MEF2A: variants seen among roughly 807,000 people sequenced by gnomAD.
MEF2A encodes myocyte-specific enhancer factor 2A.
Under a neutral mutation model 55.8 loss-of-function variants are expected in MEF2A, and 28 were observed. That is an observed-to-expected ratio of 0.50 (90% CI 0.37 to 0.69). The LOEUF (loss-of-function observed/expected upper bound fraction) is 0.69. Ranked by LOEUF, MEF2A falls within the 30% of genes least tolerant of loss-of-function variation. MEF2A has a pLI of 0.00. For synonymous variants in MEF2A, 239 were observed against 227.1 expected, an observed-to-expected ratio of 1.05 and a Z score of -0.47; for missense variants, 528 against 626.2, an observed-to-expected ratio of 0.84 and a Z score of 1.67.
chr15:99,591,312 C>T (rs1001042574), intron 1 of MEF2A, among the ~76,000 whole-genome samples: 1 of 152,126 alleles, frequency 6.6e-6, no homozygotes, highest in Non-Finnish European at 1.5e-5. Flanking sequence ...TTTTAGCTTA[C>T]AGAGTTTTTT....
In MEF2A at chr15:99,716,293, T is replaced by G; in HGVS notation, c.*3522T>G. ...CCGTTTGGCGGCACAAGCTGGACTT[T>G]GTTGCCATCCTTGAGATGAACCTTT... On this transcript the variant is annotated 3_prime_UTR_variant, in exon 12 of 12. Transcript: ENST00000557942. 1 of 346,122 alleles carries G rather than the reference T, an allele frequency of 2.9e-6. No individual in the cohort carries two copies. Among genetic ancestry groups the G allele is most frequent in the South Asian group, 2.3e-5 (1 of 44,420 alleles). The allele number at this position is 346,122 out of a possible 1,614,324, so 21.4% of individuals were successfully genotyped here.
chr15:99,597,457 GACAATGGTGCCCGAAACTTC>G (rs1971590776), intron 1 of MEF2A, among the ~76,000 whole-genome samples: 1 of 152,126 alleles, frequency 6.6e-6, no homozygotes, highest in Non-Finnish European at 1.5e-5. Context: ...TGTTATCAGT[GACAATGGTGCCCGAAACTTC>G]ATTAGCAATT....
chr15:99,605,332 C>A (rs918517774), intron 2 of MEF2A, among the ~76,000 whole-genome samples: 5 of 152,186 alleles, frequency 3.3e-5, no homozygotes, highest in Non-Finnish European at 7.3e-5. Context: ...CAAATGATTA[C>A]CAACTTTAAT....
At chr15:99,673,740 A>G (rs982910809) in intron 5 of MEF2A, among the ~76,000 whole-genome samples, 2 of 152,218 alleles carry the variant, frequency 1.3e-5, no homozygotes, top group Non-Finnish European at 2.9e-5. Context: ...AATTTAAAGA[A>G]GATACCAAAA....
intron 1 of MEF2A, among the ~76,000 whole-genome samples, chr15:99,570,242 A>G (rs1961573848): frequency 6.6e-6 from 1 of 152,176 alleles, no homozygotes; most frequent in Non-Finnish European, 1.5e-5. Flanking sequence ...AGGAACAAAC[A>G]TGGGTGAAAA....
chr15:99,641,692 C>G (rs2044996430), intron 3 of MEF2A, among the ~76,000 whole-genome samples: 1 of 152,126 alleles, frequency 6.6e-6, no homozygotes, highest in African/African-American at 2.4e-5. Context: ...CACTTGCACT[C>G]CAGCCTGGGC....
In MEF2A at chr15:99,675,288, T is replaced by C; in HGVS notation, c.611-111T>C. 3 of 957,070 alleles carry C rather than the reference T, an allele frequency of 3.1e-6. No individual in the cohort carries two copies. The Admixed American group carries it at 5.4e-5, about 17-fold the overall frequency. The allele number at this position is 957,070 out of a possible 1,614,324, so 59.3% of individuals were successfully genotyped here. A position where few individuals can be genotyped will look rare whatever the true frequency, so the allele number is the denominator to read the frequency against. On this transcript the variant is annotated intron_variant, in intron 6 of 11. Coordinates refer to ENST00000557942, the MANE Select transcript of MEF2A (RefSeq NM_001319206.4). ...CTGAGCTAGTTTTTATTTTTGTGTCTTTTTAGGATTAGAGTGAGAGTTATC... is the reference window on the plus strand; with the variant it reads ...CTGAGCTAGTTTTTATTTTTGTGTCCTTTTAGGATTAGAGTGAGAGTTATC...
chr15:99,706,682 A>G (rs557777041), intron 9 of MEF2A, 47 bp from the exon 10 acceptor site: 1 of 1,597,196 alleles, frequency 6.3e-7, no homozygotes, highest in African/African-American at 1.3e-5. Flanking sequence ...TTTTAAGTCA[A>G]CATAAATACC....
intron 8 of MEF2A, among the ~76,000 whole-genome samples, chr15:99,697,083 TAGAA>T (rs1017951673): frequency 2.7e-4 from 41 of 151,998 alleles, no homozygotes; most frequent in South Asian, 6.2e-4. Flanking sequence ...GAACTAGTAA[TAGAA>T]AGGAACTTAA....
In MEF2A at chr15:99,644,440, T is replaced by C. The variant is rs556568177; in HGVS notation, c.55-1121T>C. ...TTACATGTACGTATTGTATCTGTAATGAAAGAGGATATTAAAGTCATGCCC... is the reference window on the plus strand; with the variant it reads ...TTACATGTACGTATTGTATCTGTAACGAAAGAGGATATTAAAGTCATGCCC... On this transcript the variant is annotated intron_variant, in intron 3 of 11. Transcript: ENST00000557942. Among the ~76,000 whole-genome samples the C allele has an allele frequency of 4.6e-5, 7 of 152,352 alleles. No homozygotes were observed. The East Asian group carries it at 1.3e-3, about 29-fold the overall frequency.
chr15:99,693,511 A>C (rs1468618401), intron 8 of MEF2A, among the ~76,000 whole-genome samples: 1 of 152,224 alleles, frequency 6.6e-6, no homozygotes, highest in African/African-American at 2.4e-5. Context: ...TCTTAGAGAT[A>C]CATTACAGAA....
intron 2 of MEF2A, among the ~76,000 whole-genome samples, chr15:99,602,204 C>A (rs188553035): frequency 6.6e-6 from 1 of 152,192 alleles, no homozygotes; most frequent in African/African-American, 2.4e-5. Flanking sequence ...AAGTGGGCAG[C>A]GTGAGAGATC....
intron 5 of MEF2A, chr15:99,671,744 T>C (rs1210613770): frequency 2.0e-5 from 27 of 1,317,108 alleles, no homozygotes; most frequent in Non-Finnish European, 2.7e-5. Context: ...TAGTGGGTGA[T>C]GACAACAATA....
rs74716704 is a variant in MEF2A at position 99,682,111 on chromosome 15, A to G, written c.670+6653A>G. 9.4e-3 allele frequency among the ~76,000 whole-genome samples: 1,439 copies of G among 152,312 alleles called. 19 individuals are homozygous for G. Among genetic ancestry groups the G allele is most frequent in the African/African-American group, 0.031 (1,297 of 41,554 alleles). On this transcript the variant is annotated intron_variant, in intron 7 of 11. Coordinates refer to ENST00000557942, the MANE Select transcript of MEF2A (RefSeq NM_001319206.4). Reference sequence around the variant, plus strand: ...TTCATAGTGAAATATTAGTGACATCATTGTCTGCAGTTTAACCCTAGAAGA... The same window carrying G: ...TTCATAGTGAAATATTAGTGACATCGTTGTCTGCAGTTTAACCCTAGAAGA...
At chr15:99,614,732 G>C (rs957606897) in intron 2 of MEF2A, among the ~76,000 whole-genome samples, 7 of 152,162 alleles carry the variant, frequency 4.6e-5, no homozygotes, top group Admixed American at 1.3e-4. Context: ...AGACACAAAG[G>C]ATGGGTAGGA....
At chr15:99,583,015 C>T (rs183115709) in intron 1 of MEF2A, among the ~76,000 whole-genome samples, 2 of 152,186 alleles carry the variant, frequency 1.3e-5, no homozygotes, top group Admixed American at 1.3e-4. Flanking sequence ...CTGAAATAAA[C>T]TCATTTTTCT....
At chr15:99,644,049 T>C (rs2045521032) in intron 3 of MEF2A, among the ~76,000 whole-genome samples, 2 of 152,234 alleles carry the variant, frequency 1.3e-5, no homozygotes, top group Admixed American at 6.5e-5. Flanking sequence ...TAAAGAACCT[T>C]CTCAACTCTA....
chr15:99,674,416 T>A lies in MEF2A; in HGVS notation c.414T>A (p.Phe138Leu), dbSNP rs774135500. ...RGPPGLPPQN[F>L]SMSVTVPVTS... ...AGCCTGGTCTGCCACCTCAGAACTT[T>A]TCAATGTCTGTCACAGTTCCAGTGA... is the stretch of plus-strand genomic sequence containing the variant. Residue 138 changes from phenylalanine to leucine, a missense_variant, in exon 6 of 12, where the codon TTT becomes TTA. By Grantham distance (22) the Phe-to-Leu change is conservative. Coordinates refer to ENST00000557942, the MANE Select transcript of MEF2A (RefSeq NM_001319206.4). 6.2e-7 allele frequency: 1 copy of A among 1,611,470 alleles called. No homozygotes were observed. The highest frequency in any genetic ancestry group is 2.2e-5 in the East Asian group (1 of 44,858).
At chr15:99,676,870 AT>A (rs901043851) in intron 7 of MEF2A, among the ~76,000 whole-genome samples, 22 of 152,144 alleles carry the variant, frequency 1.4e-4, no homozygotes, top group African/African-American at 5.3e-4. Context: ...TAGAAATTAG[AT>A]TTAGGGGTTC....
Sources: gnomAD v4.1 joint callset for allele counts (sites outside exome capture counted in the v4.1 genomes callset) on GRCh38, gnomAD v4.1.1 for gene constraint, MANE v1.5 for transcripts, NCBI Gene and HGNC (gene_info 2026-07-23, HGNC 2026-07-21) for gene names.